PPP2R5E: variants seen among roughly 807,000 people sequenced by gnomAD.
PPP2R5E encodes serine/threonine-protein phosphatase 2A 56 kDa regulatory subunit epsilon isoform.
Under a neutral mutation model 65.3 loss-of-function variants are expected in PPP2R5E, and 4 were observed. The ratio of observed to expected loss-of-function variants is 0.06; its 90% CI spans 0.03 to 0.14. The LOEUF is 0.14. Ranked by LOEUF, PPP2R5E falls within the 10% of genes least tolerant of loss-of-function variation. PPP2R5E has a pLI of 1.00. For synonymous variants in PPP2R5E, 183 were observed against 187.4 expected, an observed-to-expected ratio of 0.98 and a Z score of 0.19; for missense variants, 274 against 556.1, an observed-to-expected ratio of 0.49 and a Z score of 5.10.
At chr14:63,487,494 A>G (rs1200439103) in intron 2 of PPP2R5E, among the ~76,000 whole-genome samples, 2 of 152,226 alleles carry the variant, frequency 1.3e-5, no homozygotes, top group Non-Finnish European at 2.9e-5. Context: ...AAGGGAAGTG[A>G]AAAGTGTGGA....
chr14:63,522,503 G>A (rs529398487), intron 2 of PPP2R5E, among the ~76,000 whole-genome samples: 2,359 of 151,278 alleles, frequency 0.016, 20 homozygotes, highest in Non-Finnish European at 0.026. Flanking sequence ...AGTGAGAAAC[G>A]CCTCTTCCCG....
intron 7 of PPP2R5E, 99 bp downstream of exon 7, chr14:63,395,127 T>C (rs1885245703): frequency 1.0e-6 from 1 of 965,226 alleles, no homozygotes; most frequent in South Asian, 1.4e-5. Flanking sequence ...CCAATGTACA[T>C]ACAGCAAGAG....
At chr14:63,419,757 C>T (rs1886900316) in intron 4 of PPP2R5E, among the ~76,000 whole-genome samples, 2 of 152,138 alleles carry the variant, frequency 1.3e-5, no homozygotes, top group African/African-American at 4.8e-5. Context: ...TCCCCTTGAG[C>T]TAAAGAAAGG....
chr14:63,424,765 A>AT (rs1379301910), intron 3 of PPP2R5E, among the ~76,000 whole-genome samples: 1 of 151,860 alleles, frequency 6.6e-6, no homozygotes, highest in Non-Finnish European at 1.5e-5. Flanking sequence ...AAAAAAAAAA[A>AT]GACAGAAAGG....
At chr14:63,420,343 A>G (rs577249259) in intron 4 of PPP2R5E, among the ~76,000 whole-genome samples, 1 of 152,330 alleles carries the variant, frequency 6.6e-6, no homozygotes, top group East Asian at 1.9e-4. Flanking sequence ...ACCCATTCAA[A>G]AAAGTAATTC....
In PPP2R5E at chr14:63,399,358, A is replaced by ATTTC. The variant is rs1406998317; in HGVS notation, c.550-2646_550-2643dup. On this transcript the variant is annotated intron_variant, in intron 5 of 13. Transcript: ENST00000337537. ...GGGGAGTGGCTACTAATAGGTCTGG[A>ATTTC]TTTCTTTCTTTTTTTTTTTTTTTTT... Among the ~76,000 whole-genome samples, 357 of 84,848 alleles carry ATTTC rather than the reference A, an allele frequency of 4.2e-3. 4 individuals are homozygous for ATTTC. The highest frequency in any genetic ancestry group is 6.3e-3 in the Non-Finnish European group (253 of 40,420). The allele number at this position is 84,848 out of a possible 152,430, so 55.7% of individuals were successfully genotyped here. A position where few individuals can be genotyped will look rare whatever the true frequency, so the allele number is the denominator to read the frequency against.
rs1883906046 is a variant in PPP2R5E at position 63,374,959 on chromosome 14, G to GT, written c.*1049dup. The GT allele has an allele frequency of 6.6e-6, 1 of 152,314 alleles. No homozygotes were observed. Among genetic ancestry groups the GT allele is most frequent in the African/African-American group, 2.4e-5 (1 of 41,374 alleles). The allele number at this position is 152,314 out of a possible 1,614,324, so 9.4% of individuals were successfully genotyped here. ...AGAACGAGAATCTACAAAAAACACTGTAACATGTTTGTTTTTTCCCAGAGG... is the reference window on the plus strand; with the variant it reads ...AGAACGAGAATCTACAAAAAACACTGTTAACATGTTTGTTTTTTCCCAGAGG... On this transcript the variant is annotated 3_prime_UTR_variant, in exon 14 of 14. Coordinates refer to ENST00000337537, the MANE Select transcript of PPP2R5E (RefSeq NM_006246.5).
chr14:63,488,779 G>A (rs767997446), intron 2 of PPP2R5E, among the ~76,000 whole-genome samples: 1 of 151,952 alleles, frequency 6.6e-6, no homozygotes, highest in Non-Finnish European at 1.5e-5. Context: ...AACCCAGGAG[G>A]CAGAGGTTAC....
intron 5 of PPP2R5E, among the ~76,000 whole-genome samples, chr14:63,413,205 C>T (rs767969915): frequency 6.6e-6 from 1 of 152,208 alleles, no homozygotes; most frequent in Non-Finnish European, 1.5e-5. Flanking sequence ...CTACCATGGA[C>T]AGCACACTGG....
rs192900626 is a variant in PPP2R5E at position 63,386,188 on chromosome 14, A to C, written c.1075-1617T>G. Among the ~76,000 whole-genome samples the C allele has an allele frequency of 1.9e-4, 29 of 152,326 alleles. No homozygotes were observed. In the East Asian group the frequency reaches 3.7e-3, roughly 19 times the overall value. ...ATTTACATTATTCAGCTTGGTTCAA[A>C]AAACAAAACAAAACCCTGAGACTCA... On this transcript the variant is annotated intron_variant, in intron 11 of 13. Transcript: ENST00000337537.
At chr14:63,500,737 G>A (rs906511542) in intron 2 of PPP2R5E, among the ~76,000 whole-genome samples, 2 of 152,010 alleles carry the variant, frequency 1.3e-5, no homozygotes, top group African/African-American at 4.8e-5. Flanking sequence ...GCATGGTGGT[G>A]CATCTGTGGT....
chr14:63,486,129 G>A (rs112519362), intron 2 of PPP2R5E, among the ~76,000 whole-genome samples: 3,389 of 151,894 alleles, frequency 0.022, 74 homozygotes, highest in African/African-American at 0.061. Context: ...TGCACTGGCC[G>A]ACAACAAACG....
intron 3 of PPP2R5E, among the ~76,000 whole-genome samples, chr14:63,448,814 C>G (rs1398442998): frequency 6.7e-6 from 1 of 149,448 alleles, no homozygotes; most frequent in Admixed American, 6.6e-5. Flanking sequence ...AAAAGCAACC[C>G]CCAATATCTA....
chr14:63,528,785 A>C (rs1893289699), intron 2 of PPP2R5E, among the ~76,000 whole-genome samples: 1 of 152,204 alleles, frequency 6.6e-6, no homozygotes, highest in African/African-American at 2.4e-5. Context: ...TAGTCAACTA[A>C]GTCAACCTAA....
At chr14:63,512,935 T>C (rs1892520432) in intron 2 of PPP2R5E, among the ~76,000 whole-genome samples, 1 of 151,968 alleles carries the variant, frequency 6.6e-6, no homozygotes, top group Non-Finnish European at 1.5e-5. Context: ...CTGAAACATC[T>C]CATCACCTAT....
At chr14:63,534,913 C>T (rs554278455) in intron 2 of PPP2R5E, among the ~76,000 whole-genome samples, 76 of 152,274 alleles carry the variant, frequency 5.0e-4, no homozygotes, top group African/African-American at 1.8e-3. Context: ...AGCCACCATA[C>T]CCAGCCTCAA....
At chr14:63,397,768 G>C (rs1391474483) in intron 5 of PPP2R5E, among the ~76,000 whole-genome samples, 2 of 148,386 alleles carry the variant, frequency 1.3e-5, no homozygotes, top group Non-Finnish European at 3.0e-5. Flanking sequence ...CTGTTGCCCA[G>C]GCTGGAGTGC....
At chr14:63,492,333 G>C (rs865805213) in intron 2 of PPP2R5E, among the ~76,000 whole-genome samples, 70 of 152,214 alleles carry the variant, frequency 4.6e-4, no homozygotes, top group African/African-American at 1.6e-3. Flanking sequence ...CCAAGCAGCT[G>C]TTCTTCCCAG....
intron 10 of PPP2R5E, among the ~76,000 whole-genome samples, chr14:63,390,669 T>C (rs1003218958): frequency 2.0e-5 from 3 of 152,240 alleles, no homozygotes; most frequent in Admixed American, 6.5e-5. Context: ...TTTGGAGAAT[T>C]GAAGCTGATT....
Sources: allele counts gnomAD v4.1 joint callset (sites outside exome capture counted in the v4.1 genomes callset), GRCh38; gene constraint gnomAD v4.1.1; transcripts MANE v1.5; gene names NCBI Gene and HGNC (gene_info 2026-07-23, HGNC 2026-07-21).